Variants in CR2 observed in about 807,000 individuals in gnomAD.
CR2 encodes the protein complement receptor type 2.
CR2 carries 96 observed loss-of-function variants against 123.0 expected under a neutral mutation model. The ratio of observed to expected loss-of-function variants is 0.78; its 90% CI spans 0.66 to 0.93. The LOEUF is 0.93. Among genes scored for constraint, CR2 ranks in the 40% least tolerant of loss-of-function variants. The pLI, the probability that CR2 is intolerant of heterozygous loss-of-function variation, is 0.00. For synonymous variants in CR2, 484 were observed against 469.5 expected, an observed-to-expected ratio of 1.03 and a Z score of -0.40; for missense variants, 1,258 against 1,361.0, an observed-to-expected ratio of 0.92 and a Z score of 1.19.
intron 2 of CR2, among the ~76,000 whole-genome samples, chr1:207,467,285 C>T (rs555175673): frequency 1.7e-4 from 26 of 152,112 alleles, no homozygotes; most frequent in Admixed American, 1.4e-3. Flanking sequence ...AGCAAAAATA[C>T]ACCCAATGGA....
chr1:207,482,359 A>G (rs760492415), intron 18 of CR2, among the ~76,000 whole-genome samples: 1 of 152,128 alleles, frequency 6.6e-6, no homozygotes, highest in Non-Finnish European at 1.5e-5. Context: ...TATTAAGTTG[A>G]TGGATGTCAG....
At chr1:207,488,473 A>G (rs1264560139) in intron 19 of CR2, among the ~76,000 whole-genome samples, 1 of 152,084 alleles carries the variant, frequency 6.6e-6, no homozygotes, top group African/African-American at 2.4e-5. Context: ...AAAATACAAA[A>G]ATTAGCTGGG....
rs765531425 is a variant in CR2 at position 207,473,038 on chromosome 1, A to G, written c.1837A>G (p.Ile613Val). 3.7e-6 allele frequency: 6 copies of G among 1,613,922 alleles called. No homozygotes were observed. The highest frequency in any genetic ancestry group is 1.3e-5 in the African/African-American group (1 of 74,908). The stretch of plus-strand genomic sequence containing the variant: ...TGTCCATATTGCAAATGGATACAAG[A>G]TATCTGGCAAGGAAGCCCCATATTT... Reference protein sequence around the residue: ...SHVHIANGYKISGKEAPYFYN... With the variant: ...SHVHIANGYKVSGKEAPYFYN... The change falls in exon 10 of 20, where the codon ATA (isoleucine) becomes GTA (valine). Residue 613 changes from isoleucine to valine, a missense_variant. Coordinates refer to ENST00000367057, the MANE Select transcript of CR2 (RefSeq NM_001006658.3).
intron 18 of CR2, among the ~76,000 whole-genome samples, chr1:207,482,488 G>A (rs1034789522): frequency 2.6e-5 from 4 of 152,018 alleles, no homozygotes; most frequent in South Asian, 2.1e-4. Context: ...GAATGACCAC[G>A]TCCATCCATT....
At chr1:207,481,609 C>A (rs976208725) in intron 18 of CR2, among the ~76,000 whole-genome samples, 1 of 151,984 alleles carries the variant, frequency 6.6e-6, no homozygotes, top group African/African-American at 2.4e-5. Flanking sequence ...GTGCCTTAAA[C>A]CTATATATTT....
Position 207,489,678 on chromosome 1 carries a change from A to G in CR2, c.*555A>G, listed in dbSNP as rs763735227. 4.6e-5 allele frequency: 7 copies of G among 152,164 alleles called. No homozygotes were observed. Among genetic ancestry groups the G allele is most frequent in the Admixed American group, 2.6e-4 (4 of 15,278 alleles). The allele number at this position is 152,164 out of a possible 1,614,324, so 9.4% of individuals were successfully genotyped here. ...GTTTGAGTTTCTCTCACATTACTGT[A>G]TATACTTTGCCTTTCCATAATCACT... is the stretch of plus-strand genomic sequence containing the variant. On this transcript the variant is annotated 3_prime_UTR_variant, in exon 20 of 20. Coordinates refer to ENST00000367057, the MANE Select transcript of CR2 (RefSeq NM_001006658.3).
In CR2 at chr1:207,454,499, G is replaced by T. The variant is rs764474086; in HGVS notation, c.58+23G>T. ...TCGGTGAGCTGGGAGGGGGAGCACG[G>T]AGGTGGGGACGCGTCCCGGGCAGGG... On this transcript the variant is annotated intron_variant, in intron 1 of 19. Coordinates refer to ENST00000367057, the MANE Select transcript of CR2 (RefSeq NM_001006658.3). This position sits in a 1 kb window ranked among gnomAD's most constrained non-coding sequence, Gnocchi z 4.3. 3.9e-6 allele frequency: 6 copies of T among 1,519,888 alleles called. No homozygotes were observed. Among genetic ancestry groups the T allele is most frequent in the Non-Finnish European group, 5.3e-6 (6 of 1,130,648 alleles). The allele number at this position is 1,519,888 out of a possible 1,614,324, so 94.2% of individuals were successfully genotyped here.
intron 2 of CR2, among the ~76,000 whole-genome samples, chr1:207,467,648 T>C (rs1019080617): frequency 3.3e-5 from 5 of 152,196 alleles, no homozygotes; most frequent in African/African-American, 1.2e-4. Context: ...AACTGTTAAA[T>C]TAGTATAAAA....
chr1:207,462,359 G>A (rs1057486264), intron 1 of CR2, among the ~76,000 whole-genome samples: 2 of 152,164 alleles, frequency 1.3e-5, no homozygotes, highest in African/African-American at 4.8e-5. Context: ...AGAGGAAACA[G>A]CATTTGCAAA....
At chr1:207,470,712 T>C (rs767518977) in intron 6 of CR2, 28 bp from the exon 7 acceptor site, 3 of 1,605,960 alleles carry the variant, frequency 1.9e-6, no homozygotes, top group Admixed American at 3.4e-5. Context: ...CTTAAGCAGT[T>C]ATGTTTTGTT....
At chr1:207,484,136 A>G (rs1237287575) in intron 18 of CR2, among the ~76,000 whole-genome samples, 1 of 152,218 alleles carries the variant, frequency 6.6e-6, no homozygotes, top group African/African-American at 2.4e-5. Context: ...CCTTCATGCT[A>G]CTGAGTTTGC....
In CR2 at chr1:207,476,395, A is replaced by C. The variant is rs1365270119; in HGVS notation, c.2878A>C (p.Ser960Arg). The change falls in exon 15 of 20, where the codon AGC (serine) becomes CGC (arginine). Residue 960 changes from serine (S) to arginine (R), a missense_variant. By Grantham distance (110) the Ser-to-Arg change is moderately radical. Coordinates refer to ENST00000367057, the MANE Select transcript of CR2 (RefSeq NM_001006658.3). ...TCTTTGCACACATGAGGGAACCTGG[A>C]GCCAACCTGCCCCTCATTGTAAAGG... Reference protein sequence around the residue: ...LLLCTHEGTWSQPAPHCKEVN... With the variant: ...LLLCTHEGTWRQPAPHCKEVN... 6.2e-7 allele frequency: 1 copy of C among 1,613,712 alleles called. No homozygotes were observed. Among genetic ancestry groups the C allele is most frequent in the Admixed American group, 1.7e-5 (1 of 59,986 alleles).
At position 207,478,079 on chromosome 1, in the gene CR2, C is replaced by CA; in HGVS notation, c.3088+11dup. The CA allele has an allele frequency of 5.6e-6, 9 of 1,612,498 alleles. No homozygotes were observed. Among genetic ancestry groups the CA allele is most frequent in the Non-Finnish European group, 7.6e-6 (9 of 1,179,258 alleles). On this transcript the variant is annotated intron_variant, in intron 16 of 19. Transcript: ENST00000367057. ...GGCGGTTTGCAGATCCCGTAAGTAC[C>CA]AAGGGCTTCACCGCCGCTTGTAACT... is the stretch of plus-strand genomic sequence containing the variant.
At position 207,457,232 on chromosome 1, in the gene CR2, A is replaced by T. The variant is rs563575453; in HGVS notation, c.58+2756A>T. 2.2e-4 allele frequency among the ~76,000 whole-genome samples: 34 copies of T among 152,358 alleles called. No homozygotes were observed. In the South Asian group the frequency reaches 7.0e-3, roughly 32 times the overall value. On this transcript the variant is annotated intron_variant, in intron 1 of 19. Transcript: ENST00000367057. ...TGTAATTTGGAATTCAATAAATATG[A>T]ATTGAAATCTTGGTATGTTTCCTCC...
At chr1:207,471,129 C>G (rs916035659) in intron 8 of CR2, 42 bp downstream of exon 8, 2 of 1,565,654 alleles carry the variant, frequency 1.3e-6, no homozygotes, top group South Asian at 1.1e-5. Flanking sequence ...TCCGGTGTAT[C>G]AGCACACACT....
At chr1:207,460,053 G>A (rs531138420) in intron 1 of CR2, among the ~76,000 whole-genome samples, 9 of 152,206 alleles carry the variant, frequency 5.9e-5, no homozygotes, top group East Asian at 1.9e-4. Flanking sequence ...TGATTAAATC[G>A]TGTAAATTTA....
rs1173937738 is a variant in CR2, at chr1:207,486,230, C to CAAAAAAAAAAAAAAAA, written c.*18+669_*18+684dup. ...TGGACAACAGAGCAAGACTGCATCT[C>CAAAAAAAAAAAAAAAA]AAAAAAAAAAAAAAAAAAAAAAAAA... On this transcript the variant is annotated intron_variant, in intron 19 of 19. Transcript: ENST00000367057. 1.3e-3 allele frequency among the ~76,000 whole-genome samples: 57 copies of CAAAAAAAAAAAAAAAA among 43,004 alleles called. 4 individuals carry two copies. In the East Asian group the frequency reaches 0.015, roughly 11 times the overall value. 28.2% of individuals were successfully genotyped at this position (43,004 alleles called of 152,430 possible).
chr1:207,464,413 C>T (rs1658041521), intron 1 of CR2, among the ~76,000 whole-genome samples: 1 of 152,176 alleles, frequency 6.6e-6, no homozygotes, highest in African/African-American at 2.4e-5. Flanking sequence ...CCCAGCCATC[C>T]CCCATGGGAC....
At chr1:207,467,652 T>C (rs1369938939) in intron 2 of CR2, among the ~76,000 whole-genome samples, 1 of 152,178 alleles carries the variant, frequency 6.6e-6, no homozygotes, top group South Asian at 2.1e-4. Context: ...GTTAAATTAG[T>C]ATAAAATGGG....
Sources: allele counts gnomAD v4.1 joint callset (sites outside exome capture counted in the v4.1 genomes callset), GRCh38; gene constraint gnomAD v4.1.1; non-coding constraint Gnocchi (gnomAD v3.1); transcripts MANE v1.5; gene names NCBI Gene and HGNC (gene_info 2026-07-23, HGNC 2026-07-21).